Variants in ATG16L1 observed in about 807,000 individuals in gnomAD.
ATG16L1 encodes the protein autophagy related 16 like 1.
In ATG16L1, 37 loss-of-function variants were observed where a neutral mutation model predicts 88.5. The ratio of observed to expected loss-of-function variants is 0.42; its 90% CI spans 0.32 to 0.55. The LOEUF is 0.55. Among genes scored for constraint, ATG16L1 ranks in the 20% least tolerant of loss-of-function variants. ATG16L1 has a pLI of 0.13. For synonymous variants in ATG16L1, 301 were observed against 281.0 expected (o/e 1.07, Z -0.71); for missense variants, 554 against 752.8 (o/e 0.74, Z 3.09).
chr2:233,281,595 C>T (rs1698723526), intron 11 of ATG16L1, among the ~76,000 whole-genome samples: 1 of 152,086 alleles, frequency 6.6e-6, no homozygotes, highest in Non-Finnish European at 1.5e-5. Context: ...GAGAGTAGCT[C>T]ATTCTGGGGC....
intron 12 of ATG16L1, among the ~76,000 whole-genome samples, chr2:233,283,332 A>G (rs891770870): frequency 6.6e-6 from 1 of 152,146 alleles, no homozygotes; most frequent in African/African-American, 2.4e-5. Flanking sequence ...AGGGCGAAGC[A>G]TGTAACTTAA....
chr2:233,290,171 G>A, intron 13 of ATG16L1, 77 bp from the exon 14 acceptor site: 5 of 1,528,130 alleles, frequency 3.3e-6, no homozygotes, highest in Non-Finnish European at 4.5e-6. Flanking sequence ...ACAAGTCAGT[G>A]GTTAGAGGGT....
At chr2:233,260,053 A>G (rs988200239) in intron 2 of ATG16L1, among the ~76,000 whole-genome samples, 1 of 152,170 alleles carries the variant, frequency 6.6e-6, no homozygotes, top group African/African-American at 2.4e-5. Flanking sequence ...AGAGAATGTA[A>G]GGGTGTTCAC....
At chr2:233,281,850 C>CT (rs895173887) in intron 11 of ATG16L1, among the ~76,000 whole-genome samples, 2 of 152,132 alleles carry the variant, frequency 1.3e-5, no homozygotes, top group African/African-American at 4.8e-5. Context: ...GGCTGAGTGT[C>CT]TATGTTCCCA....
At chr2:233,287,703 C>T (rs533966958) in intron 12 of ATG16L1, among the ~76,000 whole-genome samples, 2 of 152,136 alleles carry the variant, frequency 1.3e-5, no homozygotes, top group Non-Finnish European at 2.9e-5. Context: ...CATGGTAAAA[C>T]CCCGTCTCTA....
chr2:233,253,442 T>TTCAAGAGA (rs750477761), intron 1 of ATG16L1, among the ~76,000 whole-genome samples: 19 of 143,716 alleles, frequency 1.3e-4, no homozygotes, highest in Non-Finnish European at 2.2e-4. Flanking sequence ...ACCTCCCAGG[T>TTCAAGAGA]TCAAGAGATC....
chr2:233,287,093 C>T (rs553238018), intron 12 of ATG16L1, among the ~76,000 whole-genome samples: 2 of 152,244 alleles, frequency 1.3e-5, no homozygotes, highest in Admixed American at 6.5e-5. Flanking sequence ...GTGACAGACT[C>T]TTAAAGAAAG....
At chr2:233,280,454 G>T (rs1698650126) in intron 10 of ATG16L1, among the ~76,000 whole-genome samples, 1 of 152,196 alleles carries the variant, frequency 6.6e-6, no homozygotes. Context: ...GGCTCTGTTG[G>T]TGAGGGAGAG....
chr2:233,277,424 T>C, intron 9 of ATG16L1, 144 bp from the exon 10 acceptor site: 1 of 660,056 alleles, frequency 1.5e-6, no homozygotes, highest in Admixed American at 2.4e-5. Flanking sequence ...TGACCTGGGC[T>C]AGGAGTCCAG....
chr2:233,282,605 T>C (rs1156810797), intron 11 of ATG16L1, 77 bp from the exon 12 acceptor site: 29 of 1,274,494 alleles, frequency 2.3e-5, no homozygotes, highest in Non-Finnish European at 2.9e-5. Context: ...TACTTGATTA[T>C]TGGGGAATTT....
intron 13 of ATG16L1, 84 bp from the exon 14 acceptor site, chr2:233,290,164 A>C: frequency 6.6e-7 from 1 of 1,521,518 alleles, no homozygotes; most frequent in South Asian, 1.1e-5. Context: ...AACTCTGACA[A>C]GTCAGTGGTT....
chr2:233,293,448 C>T lies in ATG16L1; in HGVS notation c.1730+91C>T, dbSNP rs1042991122. The T allele has an allele frequency of 1.4e-5, 17 of 1,210,164 alleles. 1 individual carries two copies. Among genetic ancestry groups the T allele is most frequent in the Admixed American group, 5.3e-5 (3 of 56,996 alleles). The allele number at this position is 1,210,164 out of a possible 1,614,324, so 75.0% of individuals were successfully genotyped here. On this transcript the variant is annotated intron_variant, in intron 17 of 17. Coordinates refer to ENST00000392017, the MANE Select transcript of ATG16L1 (RefSeq NM_030803.7). ...GTCATCCGGTTTAGACCTCAGTCGG[C>T]GCTGTGAGGGCACTGTCCGCCCACC...
At chr2:233,272,924 ACTGTT>A in intron 6 of ATG16L1, 37 bp from the exon 7 acceptor site, 6 of 1,550,154 alleles carry the variant, frequency 3.9e-6, no homozygotes, top group Non-Finnish European at 5.3e-6. Flanking sequence ...TAATCACAGA[ACTGTT>A]CAGGAGAATC....
In ATG16L1 at chr2:233,294,897, T is replaced by C. The variant is rs72976353; in HGVS notation, c.*547T>C. ...ATTACTGCTGAAATGTCCTCACATC[T>C]CTTTCACTGTTCTTCAGAGCTTTCT... On this transcript the variant is annotated 3_prime_UTR_variant, in exon 18 of 18. Transcript: ENST00000392017. 0.071 allele frequency: 10,869 copies of C among 152,570 alleles called. 442 individuals are homozygous for C. The highest frequency in any genetic ancestry group is 0.16 in the South Asian group (752 of 4,810). 9.5% of individuals were successfully genotyped at this position (152,570 alleles called of 1,614,324 possible).
intron 12 of ATG16L1, among the ~76,000 whole-genome samples, chr2:233,287,497 G>A (rs1699164381): frequency 6.6e-6 from 1 of 152,152 alleles, no homozygotes; most frequent in Admixed American, 6.5e-5. Flanking sequence ...CTGTGTTTGT[G>A]AAATGTGATT....
intron 5 of ATG16L1, among the ~76,000 whole-genome samples, chr2:233,267,088 A>G (rs1697654131): frequency 6.6e-6 from 1 of 152,276 alleles, no homozygotes; most frequent in South Asian, 2.1e-4. Context: ...GGTGGCGCAC[A>G]CTGTAATCCT....
At chr2:233,276,716 ATCTGCCCACCTCGG>A (rs1698402263) in intron 9 of ATG16L1, among the ~76,000 whole-genome samples, 1 of 152,168 alleles carries the variant, frequency 6.6e-6, no homozygotes, top group African/African-American at 2.4e-5. Context: ...AGCTCATGCG[ATCTGCCCACCTCGG>A]TCTCCCGAAG....
At chr2:233,265,408 A>G (rs1206223585) in intron 5 of ATG16L1, among the ~76,000 whole-genome samples, 4 of 152,380 alleles carry the variant, frequency 2.6e-5, no homozygotes, top group Middle Eastern at 6.8e-3. Flanking sequence ...AATGCACAAG[A>G]AGACTATAAT....
intron 2 of ATG16L1, among the ~76,000 whole-genome samples, chr2:233,262,224 CAG>C (rs1697262796): frequency 1.3e-5 from 2 of 152,192 alleles, no homozygotes; most frequent in African/African-American, 4.8e-5. Context: ...GATCTAGAAT[CAG>C]ACCGTATCTC....
Sources: allele counts gnomAD v4.1 joint callset (sites outside exome capture counted in the v4.1 genomes callset), GRCh38; gene constraint gnomAD v4.1.1; transcripts MANE v1.5; gene names NCBI Gene and HGNC (gene_info 2026-07-23, HGNC 2026-07-21).